NLGN1: variants seen among roughly 807,000 people sequenced by gnomAD.
NLGN1 encodes neuroligin 1.
A neutral mutation model predicts 65.5 loss-of-function variants in NLGN1; 12 were observed. The observed-to-expected ratio is 0.18, with a 90% CI of 0.12 to 0.30. The LOEUF is 0.30. Ranked by LOEUF, NLGN1 falls within the 10% of genes least tolerant of loss-of-function variation. The probability of loss-of-function intolerance (pLI) is 1.00; values close to 1 mark genes in which losing one functional copy is unlikely to be tolerated. For synonymous variants in NLGN1, 350 were observed against 359.5 expected (o/e 0.97, Z 0.30); for missense variants, 750 against 1,007.1 (o/e 0.74, Z 3.46).
At chr3:173,934,910 A>G (rs1255550929) in intron 4 of NLGN1, among the ~76,000 whole-genome samples, 2 of 152,072 alleles carry the variant, frequency 1.3e-5, no homozygotes, top group East Asian at 1.9e-4. Flanking sequence ...ATTTCTTAAT[A>G]AAAGAGTCTC....
In NLGN1 at chr3:174,173,675, G is replaced by C. The variant is rs750760139; in HGVS notation, c.647-101640G>C. Among the ~76,000 whole-genome samples, 55 of 151,442 alleles carry C rather than the reference G, an allele frequency of 3.6e-4. 1 individual carries two copies. The highest frequency in any genetic ancestry group is 2.1e-3 in the Admixed American group (32 of 15,148). On this transcript the variant is annotated intron_variant, in intron 4 of 6. Coordinates refer to ENST00000457714, the Ensembl canonical transcript of NLGN1. The stretch of plus-strand genomic sequence containing the variant: ...GCATCACTGGCATAAATTCCACTTG[G>C]TCACAGTGAAGATCTTTTGTGTGTG...
chr3:174,166,320 T>C (rs1280587237), intron 4 of NLGN1, among the ~76,000 whole-genome samples: 2 of 152,086 alleles, frequency 1.3e-5, no homozygotes, highest in African/African-American at 4.8e-5. Flanking sequence ...CTTTTTGAGA[T>C]AGGCGTTTAG....
intron 2 of NLGN1, among the ~76,000 whole-genome samples, chr3:173,581,976 T>G (rs2149365234): frequency 6.6e-6 from 1 of 152,110 alleles, no homozygotes; most frequent in African/African-American, 2.4e-5. Flanking sequence ...CACAGTAACC[T>G]CTACCCTGAA....
At chr3:173,633,162 G>A (rs576468268) in intron 3 of NLGN1, among the ~76,000 whole-genome samples, 1 of 152,146 alleles carries the variant, frequency 6.6e-6, no homozygotes, top group Non-Finnish European at 1.5e-5. Flanking sequence ...TCTGAGCCAA[G>A]GATTGACACA....
chr3:173,935,450 C>T (rs1434897765), intron 4 of NLGN1, among the ~76,000 whole-genome samples: 1 of 151,442 alleles, frequency 6.6e-6, no homozygotes, highest in African/African-American at 2.4e-5. Context: ...TTTTTACTGC[C>T]CTGCATGTCA....
chr3:173,614,345 A>G (rs191301328), intron 3 of NLGN1, among the ~76,000 whole-genome samples: 1 of 152,182 alleles, frequency 6.6e-6, no homozygotes, highest in East Asian at 1.9e-4. Context: ...GGTTAAAATT[A>G]TTAAAAATAT....
intron 1 of NLGN1, among the ~76,000 whole-genome samples, chr3:173,428,747 T>G (rs1560238467): frequency 6.6e-6 from 1 of 152,140 alleles, no homozygotes; most frequent in Admixed American, 6.6e-5. Flanking sequence ...TTTTATACTT[T>G]CAGATGTTTT....
chr3:174,052,268 T>C (rs1263633569), intron 4 of NLGN1, among the ~76,000 whole-genome samples: 1 of 152,024 alleles, frequency 6.6e-6, no homozygotes, highest in Admixed American at 6.6e-5. Flanking sequence ...CTGTAATGCA[T>C]ATGTAAGACA....
chr3:173,554,019 C>G (rs780897930), intron 2 of NLGN1, among the ~76,000 whole-genome samples: 2 of 152,128 alleles, frequency 1.3e-5, no homozygotes, highest in Non-Finnish European at 2.9e-5. Context: ...TTGTTTGATT[C>G]TTGGACATTT....
At chr3:174,251,850 T>C (rs1012050330) in intron 4 of NLGN1, among the ~76,000 whole-genome samples, 17 of 152,262 alleles carry the variant, frequency 1.1e-4, no homozygotes, top group Non-Finnish European at 1.8e-4. Flanking sequence ...AAGTATTTTC[T>C]TTGAATATCC....
At chr3:174,247,161 G>GT (rs1183529210) in intron 4 of NLGN1, among the ~76,000 whole-genome samples, 2 of 152,136 alleles carry the variant, frequency 1.3e-5, no homozygotes, top group Non-Finnish European at 2.9e-5. Flanking sequence ...CATTTTTGAG[G>GT]TATTATTATT....
At chr3:173,960,560 T>C (rs1049185720) in intron 4 of NLGN1, among the ~76,000 whole-genome samples, 2 of 152,030 alleles carry the variant, frequency 1.3e-5, no homozygotes, top group Non-Finnish European at 2.9e-5. Flanking sequence ...GTATCTACCA[T>C]TGAAGATTTA....
chr3:173,898,548 C>G (rs1282971440), intron 4 of NLGN1, among the ~76,000 whole-genome samples: 1 of 152,200 alleles, frequency 6.6e-6, no homozygotes, highest in Non-Finnish European at 1.5e-5. Flanking sequence ...CAGCATACTA[C>G]TGGTATGGCA....
chr3:174,057,503 G>A (rs1455501436), intron 4 of NLGN1: 1 of 152,062 alleles, frequency 6.6e-6, no homozygotes, highest in Admixed American at 6.6e-5. Flanking sequence ...GCATAGAAAT[G>A]AGTTGCTTCC....
In NLGN1 at chr3:174,253,456, C is replaced by G. The variant is rs188044592; in HGVS notation, c.647-21859C>G. ...TCTGTGCCTTCCGGTCTCAGATTCC[C>G]TCTCATTTCACCTCATGTATATTAA... is the stretch of plus-strand genomic sequence containing the variant. On this transcript the variant is annotated intron_variant, in intron 4 of 6. Transcript: ENST00000457714. Among the ~76,000 whole-genome samples the G allele has an allele frequency of 3.0e-3, 454 of 152,198 alleles. 1 individual carries two copies. Among genetic ancestry groups the G allele is most frequent in the Non-Finnish European group, 5.7e-3 (385 of 68,010 alleles).
chr3:173,553,260 A>C (rs1741179942), intron 2 of NLGN1, among the ~76,000 whole-genome samples: 1 of 152,190 alleles, frequency 6.6e-6, no homozygotes, highest in Admixed American at 6.5e-5. Context: ...TGCAAAAAGG[A>C]AATTATATTA....
At chr3:173,600,535 C>T (rs373380838) in intron 2 of NLGN1, among the ~76,000 whole-genome samples, 1 of 60,656 alleles carries the variant, frequency 1.6e-5, no homozygotes, top group Non-Finnish European at 5.0e-5. Flanking sequence ...TTGAGTTCAA[C>T]AAGAAAACAA....
intron 4 of NLGN1, among the ~76,000 whole-genome samples, chr3:174,034,810 C>A (rs933077167): frequency 3.9e-5 from 6 of 151,982 alleles, no homozygotes; most frequent in African/African-American, 1.2e-4. Context: ...ATCTAAGTTA[C>A]AAATTAGGTA....
intron 4 of NLGN1, among the ~76,000 whole-genome samples, chr3:173,965,811 C>G (rs1434696317): frequency 6.6e-6 from 1 of 152,074 alleles, no homozygotes; most frequent in African/African-American, 2.4e-5. Flanking sequence ...GAGCTAAGAG[C>G]TAAACAGCTA....
Sources: gnomAD v4.1 joint callset for allele counts (sites outside exome capture counted in the v4.1 genomes callset) on GRCh38, gnomAD v4.1.1 for gene constraint, MANE v1.5 for transcripts, NCBI Gene and HGNC (gene_info 2026-07-23, HGNC 2026-07-21) for gene names.